Variants in HEPACAM2 observed in about 807,000 individuals in gnomAD.
The protein encoded by HEPACAM2 is HEPACAM family member 2, also known as mitotic kinetics regulator.
HEPACAM2 carries 49 observed loss-of-function variants against 49.6 expected under a neutral mutation model. The observed-to-expected ratio is 0.99, with a 90% confidence interval of 0.78 to 1.25. The LOEUF (loss-of-function observed/expected upper bound fraction) is 1.25. Ranked by LOEUF, HEPACAM2 falls within the 50% of genes most tolerant of loss-of-function variation. The pLI is 0.00. For synonymous variants in HEPACAM2, 197 were observed against 202.9 expected (o/e 0.97, Z 0.25); for missense variants, 525 against 557.2 (o/e 0.94, Z 0.58).
At chr7:93,228,887 GTA>G (rs1491573863), upstream of HEPACAM2, among the ~76,000 whole-genome samples, 2 of 151,064 alleles carry the variant, frequency 1.3e-5, no homozygotes, top group African/African-American at 2.4e-5. Context: ...GTGTGTGTGT[GTA>G]TGTGTGTGTA....
rs1485777392 is a variant in HEPACAM2 at position 93,195,733 on chromosome 7, T to C, written c.1275+95A>G. On this transcript the variant is annotated intron_variant, in intron 8 of 9. Transcript: ENST00000394468. Reference sequence around the variant, plus strand: ...ATGCAGTAATGGGTAATGCAGCCATTTGACCACACTGCCCAGTGCTTAAAC... The same window carrying C: ...ATGCAGTAATGGGTAATGCAGCCATCTGACCACACTGCCCAGTGCTTAAAC... The C allele has an allele frequency of 3.3e-6, 3 of 897,020 alleles. No individual in the cohort carries two copies. In the East Asian group the frequency reaches 7.2e-5, roughly 22 times the overall value. 55.6% of individuals were successfully genotyped at this position (897,020 alleles called of 1,614,324 possible).
chr7:93,209,345 A>G (rs1052421195), intron 3 of HEPACAM2, among the ~76,000 whole-genome samples: 1 of 151,986 alleles, frequency 6.6e-6, no homozygotes, highest in Admixed American at 6.6e-5. Context: ...TGTTTTGATC[A>G]CATGTTTTGA....
intron 1 of HEPACAM2, among the ~76,000 whole-genome samples, chr7:93,224,383 T>C (rs1158725753): frequency 1.3e-5 from 2 of 152,300 alleles, no homozygotes; most frequent in East Asian, 1.9e-4. Context: ...TTTATTATTA[T>C]ATTCACTATT....
chr7:93,193,889 T>A (rs942450067), intron 8 of HEPACAM2, among the ~76,000 whole-genome samples: 1 of 152,160 alleles, frequency 6.6e-6, no homozygotes, highest in Non-Finnish European at 1.5e-5. Context: ...TAGCTACGTA[T>A]ACATAGCTGC....
intron 9 of HEPACAM2, among the ~76,000 whole-genome samples, chr7:93,191,442 A>G (rs1404169279): frequency 6.6e-6 from 1 of 152,106 alleles, no homozygotes; most frequent in Non-Finnish European, 1.5e-5. Flanking sequence ...TGCATGAATT[A>G]CTTTGCTGAA....
chr7:93,197,880 TGTC>T (rs1259301351), intron 4 of HEPACAM2, among the ~76,000 whole-genome samples: 1 of 152,082 alleles, frequency 6.6e-6, no homozygotes, highest in Non-Finnish European at 1.5e-5. Flanking sequence ...CAATATCTCA[TGTC>T]GTACTTCTCA....
At chr7:93,204,117 T>C (rs1793964659) in intron 4 of HEPACAM2, among the ~76,000 whole-genome samples, 1 of 152,172 alleles carries the variant, frequency 6.6e-6, no homozygotes, top group Non-Finnish European at 1.5e-5. Context: ...TTTCCTGTTC[T>C]CTTCTTTAAG....
rs1471714153 is a variant in HEPACAM2, at chr7:93,192,208, A to T, written c.1385+46T>A. On this transcript the variant is annotated intron_variant, in intron 9 of 9. Coordinates refer to ENST00000394468, the MANE Select transcript of HEPACAM2 (RefSeq NM_001039372.4). ...CAGTTCTGGGGAAAGCAAAAGCTAAATGCTTAGCCTCTCCATAGCACCATC... is the reference window on the plus strand; with the variant it reads ...CAGTTCTGGGGAAAGCAAAAGCTAATTGCTTAGCCTCTCCATAGCACCATC... 2.2e-6 allele frequency: 3 copies of T among 1,395,232 alleles called. No homozygotes were observed. The Admixed American group carries it at 5.3e-5, about 25-fold the overall frequency. 86.4% of individuals were successfully genotyped at this position (1,395,232 alleles called of 1,614,324 possible). A position where few individuals can be genotyped will look rare whatever the true frequency, so the allele number is the denominator to read the frequency against.
At chr7:93,216,061 C>G (rs1253451856) in intron 2 of HEPACAM2, among the ~76,000 whole-genome samples, 3 of 152,104 alleles carry the variant, frequency 2.0e-5, no homozygotes, top group South Asian at 4.1e-4. Context: ...TTATTCCCCT[C>G]TATTGATTTG....
chr7:93,218,410 C>T (rs1794364687), intron 2 of HEPACAM2, among the ~76,000 whole-genome samples: 1 of 151,934 alleles, frequency 6.6e-6, no homozygotes, highest in Non-Finnish European at 1.5e-5. Flanking sequence ...ATAGGCTTTC[C>T]CGTGGACTGG....
chr7:93,204,350 CTATCT>C (rs1793973585), intron 4 of HEPACAM2, among the ~76,000 whole-genome samples: 1 of 151,874 alleles, frequency 6.6e-6, no homozygotes, highest in Admixed American at 6.6e-5. Flanking sequence ...ATCTATCTAT[CTATCT>C]ATCTATCTAT....
In HEPACAM2 at chr7:93,188,863, C is replaced by T. The variant is rs991845108; in HGVS notation, c.*404G>A. On this transcript the variant is annotated 3_prime_UTR_variant, in exon 10 of 10. Coordinates refer to ENST00000394468, the MANE Select transcript of HEPACAM2 (RefSeq NM_001039372.4). ...AATAAAACAAAGTCTGCTGAAAAAT[C>T]GAACAATGTAAAGTTTCCACATTTG... is the stretch of plus-strand genomic sequence containing the variant. 2 of 393,838 alleles carry T rather than the reference C, an allele frequency of 5.1e-6. No individual in the cohort carries two copies. Among genetic ancestry groups the T allele is most frequent in the Non-Finnish European group, 9.0e-6 (2 of 223,108 alleles). The allele number at this position is 393,838 out of a possible 1,614,324, so 24.4% of individuals were successfully genotyped here.
chr7:93,208,470 G>T, intron 4 of HEPACAM2, 110 bp downstream of exon 4: 2 of 938,726 alleles, frequency 2.1e-6, no homozygotes, highest in Non-Finnish European at 1.6e-6. Flanking sequence ...TAGAATATAT[G>T]AATAATCCCA....
upstream of HEPACAM2, among the ~76,000 whole-genome samples, chr7:93,230,129 G>C (rs1794597741): frequency 6.6e-6 from 1 of 152,130 alleles, no homozygotes; most frequent in South Asian, 2.1e-4. Flanking sequence ...GTGTCGAATA[G>C]ATAGGGATAA....
intron 9 of HEPACAM2, among the ~76,000 whole-genome samples, chr7:93,191,212 A>AT (rs143239256): frequency 0.016 from 2,360 of 151,014 alleles, 63 homozygotes; most frequent in African/African-American, 0.054. Context: ...GCTTTACAAC[A>AT]TTTTTTTTTC....
chr7:93,197,721 G>T, intron 4 of HEPACAM2, 111 bp from the exon 5 acceptor site: 1 of 703,944 alleles, frequency 1.4e-6, no homozygotes, highest in Non-Finnish European at 2.3e-6. Flanking sequence ...ATATAAACAC[G>T]TATATTAGAG....
At chr7:93,201,757 T>G (rs192404956) in intron 4 of HEPACAM2, among the ~76,000 whole-genome samples, 1 of 152,046 alleles carries the variant, frequency 6.6e-6, no homozygotes, top group African/African-American at 2.4e-5. Flanking sequence ...CTGTATATGA[T>G]GTCATCTTAA....
At position 93,219,356 on chromosome 7, in the gene HEPACAM2, T is replaced by C; in HGVS notation, c.175A>G (p.Thr59Ala). 2.5e-6 allele frequency: 4 copies of C among 1,613,782 alleles called. No homozygotes were observed. In the South Asian group the frequency reaches 4.4e-5, roughly 18 times the overall value. Reference protein sequence around the residue: ...LYLPVHYGFHTPASDIQIIWL... With the variant: ...LYLPVHYGFHAPASDIQIIWL... ...ATGATCTGGATGTCTGATGCTGGAGTGTGGAAGCCATAGTGGACGGGTAGG... is the reference window on the plus strand; with the variant it reads ...ATGATCTGGATGTCTGATGCTGGAGCGTGGAAGCCATAGTGGACGGGTAGG... The change falls in exon 2 of 10, where the codon ACT becomes GCT. Residue 59 changes from threonine (T) to alanine (A), a missense_variant. Coordinates refer to ENST00000394468, the MANE Select transcript of HEPACAM2 (RefSeq NM_001039372.4).
intron 4 of HEPACAM2, among the ~76,000 whole-genome samples, chr7:93,203,422 C>T (rs1793945797): frequency 6.6e-6 from 1 of 152,122 alleles, no homozygotes; most frequent in African/African-American, 2.4e-5. Flanking sequence ...AGAACCTGAA[C>T]TTGAAAATAA....
Sources: allele counts gnomAD v4.1 joint callset (sites outside exome capture counted in the v4.1 genomes callset), GRCh38; gene constraint gnomAD v4.1.1; transcripts MANE v1.5; gene names NCBI Gene and HGNC (gene_info 2026-07-23, HGNC 2026-07-21).